MAST4: variants seen among roughly 807,000 people sequenced by gnomAD.
MAST4 encodes microtubule associated serine/threonine kinase family member 4.
In MAST4, 89 loss-of-function variants were observed where a neutral mutation model predicts 162.7. The observed-to-expected ratio is 0.55, with a 90% CI of 0.46 to 0.65. MAST4 has a LOEUF of 0.65. MAST4 is among the 30% of genes least tolerant of loss of function. MAST4 has a pLI of 0.00. For missense variants in MAST4, 3,153 were observed against 3,374.0 expected (o/e 0.93, Z 1.62); for synonymous variants, 1,479 against 1,361.1 (o/e 1.09, Z -1.91).
intron 1 of MAST4, among the ~76,000 whole-genome samples, chr5:66,600,589 T>C (rs1742488953): frequency 6.6e-6 from 1 of 152,252 alleles, no homozygotes; most frequent in African/African-American, 2.4e-5. Flanking sequence ...AAATGGCATC[T>C]ATGAAAATAG....
chr5:66,823,389 G>A (rs1757087494), intron 3 of MAST4, among the ~76,000 whole-genome samples: 1 of 152,126 alleles, frequency 6.6e-6, no homozygotes, highest in Non-Finnish European at 1.5e-5. Context: ...GATTATAATG[G>A]TTCTTCACTT....
chr5:66,919,780 A>G (rs756809795), intron 4 of MAST4, among the ~76,000 whole-genome samples: 11 of 152,116 alleles, frequency 7.2e-5, no homozygotes, highest in Non-Finnish European at 1.0e-4. Flanking sequence ...ATTCTCCACT[A>G]AAGGTCACCA....
At chr5:66,727,582 G>A (rs998490130) in intron 1 of MAST4, among the ~76,000 whole-genome samples, 1 of 152,144 alleles carries the variant, frequency 6.6e-6, no homozygotes, top group Non-Finnish European at 1.5e-5. Flanking sequence ...AGGCAAAATT[G>A]TGCTGAGCAC....
At chr5:66,979,127 A>G (rs576739434) in intron 4 of MAST4, among the ~76,000 whole-genome samples, 1 of 152,316 alleles carries the variant, frequency 6.6e-6, no homozygotes, top group Admixed American at 6.5e-5. Flanking sequence ...TTTGAAGATA[A>G]CAGTTTCACT....
At chr5:66,820,178 G>T (rs534144194) in intron 3 of MAST4, among the ~76,000 whole-genome samples, 1 of 151,952 alleles carries the variant, frequency 6.6e-6, no homozygotes, top group South Asian at 2.1e-4. Context: ...CTCTGATGTA[G>T]TAGCTATACT....
intron 1 of MAST4, among the ~76,000 whole-genome samples, chr5:66,701,016 ATTTCCTAATAATAAAGCACAT>A (rs1254675136): frequency 1.1e-4 from 16 of 151,960 alleles, no homozygotes; most frequent in African/African-American, 3.6e-4. Context: ...TGCTATTTAC[ATTTCCTAATAATAAAGCACAT>A]TTATTAATCA....
At chr5:66,750,727 C>T (rs1308262467) in intron 1 of MAST4, among the ~76,000 whole-genome samples, 3 of 152,280 alleles carry the variant, frequency 2.0e-5, no homozygotes, top group East Asian at 1.9e-4. Context: ...GGAGGGGCAC[C>T]CGCCATTGCC....
intron 1 of MAST4, among the ~76,000 whole-genome samples, chr5:66,663,620 A>T (rs1019698274): frequency 6.6e-6 from 1 of 152,150 alleles, no homozygotes; most frequent in Non-Finnish European, 1.5e-5. Context: ...TGAAAGGAGC[A>T]TGTCTGACTT....
At chr5:67,132,208 TACATGTGCAGA>T (rs1440860853) in intron 16 of MAST4, among the ~76,000 whole-genome samples, 1 of 152,144 alleles carries the variant, frequency 6.6e-6, no homozygotes, top group Non-Finnish European at 1.5e-5. Context: ...AGTTCTGGGA[TACATGTGCAGA>T]ACGTGCAGGT....
At chr5:66,757,221 C>T (rs990011693) in intron 1 of MAST4, among the ~76,000 whole-genome samples, 4 of 152,244 alleles carry the variant, frequency 2.6e-5, no homozygotes, top group Admixed American at 2.0e-4. Flanking sequence ...AAATAAGTAG[C>T]AGATGCTGAT....
chr5:67,059,492 T>C (rs1759292181), intron 5 of MAST4, among the ~76,000 whole-genome samples: 1 of 152,202 alleles, frequency 6.6e-6, no homozygotes, highest in East Asian at 1.9e-4. Flanking sequence ...TGTATTTTGA[T>C]TTAAATGAGT....
rs547097732 is a variant in MAST4 at position 67,167,343 on chromosome 5, A to G, written c.*292A>G. The G allele has an allele frequency of 1.9e-5, 5 of 269,714 alleles. No individual in the cohort carries two copies. The highest frequency in any genetic ancestry group is 2.7e-5 in the Non-Finnish European group (4 of 145,544). The allele number at this position is 269,714 out of a possible 1,614,324, so 16.7% of individuals were successfully genotyped here. A position where few individuals can be genotyped will look rare whatever the true frequency, so the allele number is the denominator to read the frequency against. ...GAGGAAAATGATTTTCTTTGTAAAT[A>G]TATAGCATCGTGTTTGGTTTGGGAT... On this transcript the variant is annotated 3_prime_UTR_variant, in exon 29 of 29. Transcript: ENST00000403625.
In MAST4 at chr5:66,837,864, TTATATATATATATATA is replaced by T. The variant is rs1209782576; in HGVS notation, c.642+49086_642+49101del. ...ATCAAGTCTCAAGTGAGACTTGATT[TTATATATATATATATA>T]TATATATATATATATTTTTTTTTTT... On this transcript the variant is annotated intron_variant, in intron 3 of 28. Transcript: ENST00000403625. Among the ~76,000 whole-genome samples the T allele has an allele frequency of 8.5e-5, 7 of 82,708 alleles. No homozygotes were observed. In the South Asian group the frequency reaches 3.8e-3, roughly 45 times the overall value. 54.3% of individuals were successfully genotyped at this position (82,708 alleles called of 152,430 possible).
intron 3 of MAST4, among the ~76,000 whole-genome samples, chr5:66,877,723 A>G (rs1761401592): frequency 6.6e-6 from 1 of 152,222 alleles, no homozygotes; most frequent in African/African-American, 2.4e-5. Context: ...CTTAGTGTAC[A>G]GCTTGATGAA....
chr5:66,740,486 T>G (rs1752423848), intron 1 of MAST4, among the ~76,000 whole-genome samples: 1 of 152,188 alleles, frequency 6.6e-6, no homozygotes, highest in African/African-American at 2.4e-5. Context: ...AGAAAGAAGG[T>G]CCACGGAGTG....
chr5:66,809,996 C>A (rs1409270588), intron 3 of MAST4, among the ~76,000 whole-genome samples: 3 of 152,180 alleles, frequency 2.0e-5, no homozygotes, highest in Non-Finnish European at 4.4e-5. Context: ...TTACAACTTT[C>A]CTGTGTCCTT....
chr5:67,107,259 TG>T (rs1158696730), intron 10 of MAST4, among the ~76,000 whole-genome samples: 1 of 152,218 alleles, frequency 6.6e-6, no homozygotes, highest in Non-Finnish European at 1.5e-5. Flanking sequence ...TACTTAATTT[TG>T]TTTCTGTGAC....
At chr5:66,984,408 A>G (rs1280637157) in intron 4 of MAST4, among the ~76,000 whole-genome samples, 1 of 152,214 alleles carries the variant, frequency 6.6e-6, no homozygotes, top group Non-Finnish European at 1.5e-5. Context: ...AGTTGGAGTA[A>G]GGAGATTGGG....
chr5:66,698,484 T>C (rs1749555574), intron 1 of MAST4, among the ~76,000 whole-genome samples: 1 of 152,044 alleles, frequency 6.6e-6, no homozygotes, highest in Non-Finnish European at 1.5e-5. Context: ...TACCTCTTTC[T>C]CTGCCCAGTC....
Sources: allele counts gnomAD v4.1 joint callset (sites outside exome capture counted in the v4.1 genomes callset), GRCh38; gene constraint gnomAD v4.1.1; transcripts MANE v1.5; gene names NCBI Gene and HGNC (gene_info 2026-07-23, HGNC 2026-07-21).